The following RHOJ variants were observed in gnomAD, a reference collection of about 807,000 sequenced individuals.
The protein encoded by RHOJ is ras homolog family member J.
Under a neutral mutation model 23.4 loss-of-function variants are expected in RHOJ, and 11 were observed. The observed-to-expected ratio is 0.47, with a 90% CI of 0.30 to 0.78. The LOEUF (loss-of-function observed/expected upper bound fraction) is 0.78. RHOJ is among the 30% of genes least tolerant of loss of function. The pLI is 0.08. For synonymous variants in RHOJ, 102 were observed against 102.7 expected, an observed-to-expected ratio of 0.99 and a Z score of 0.04; for missense variants, 254 against 273.4, an observed-to-expected ratio of 0.93 and a Z score of 0.50.
chr14:63,288,716 T>A (rs1424731047), intron 4 of RHOJ, among the ~76,000 whole-genome samples: 1 of 152,248 alleles, frequency 6.6e-6, no homozygotes, highest in South Asian at 2.1e-4. Flanking sequence ...ATTTTCAACA[T>A]CCAACATCGT....
intron 2 of RHOJ, among the ~76,000 whole-genome samples, chr14:63,279,214 A>G (rs925822052): frequency 6.6e-6 from 1 of 152,240 alleles, no homozygotes; most frequent in Non-Finnish European, 1.5e-5. Context: ...AAATGAGTTA[A>G]TTATTTATTA....
chr14:63,204,670 C>T lies in RHOJ; in HGVS notation c.-200C>T. 1 of 604,196 alleles carries T rather than the reference C, an allele frequency of 1.7e-6. No individual in the cohort carries two copies. Among genetic ancestry groups the T allele is most frequent in the South Asian group, 2.0e-5 (1 of 50,440 alleles). 37.4% of individuals were successfully genotyped at this position (604,196 alleles called of 1,614,324 possible). On this transcript the variant is annotated 5_prime_UTR_variant, in exon 1 of 5. Transcript: ENST00000316754. Reference sequence around the variant, plus strand: ...GGGCAGACCCTTTTCATAACTCCCTCAAGTGTGTGTTACCTTTCTTTACCA... The same window carrying T: ...GGGCAGACCCTTTTCATAACTCCCTTAAGTGTGTGTTACCTTTCTTTACCA...
intron 1 of RHOJ, among the ~76,000 whole-genome samples, chr14:63,239,728 C>T (rs1197383043): frequency 6.6e-6 from 1 of 152,146 alleles, no homozygotes; most frequent in East Asian, 1.9e-4. Flanking sequence ...GCCTTGGCTG[C>T]CATTTTTGTG....
intron 1 of RHOJ, among the ~76,000 whole-genome samples, chr14:63,249,109 G>A (rs948928155): frequency 6.6e-6 from 1 of 152,200 alleles, no homozygotes; most frequent in Admixed American, 6.5e-5. Flanking sequence ...ACTGCATATG[G>A]CTGAGAAGCT....
intron 2 of RHOJ, among the ~76,000 whole-genome samples, chr14:63,279,111 G>C (rs2139662863): frequency 6.6e-6 from 1 of 152,318 alleles, no homozygotes; most frequent in African/African-American, 2.4e-5. Context: ...CTTCAACTCT[G>C]TGTACTTCTT....
chr14:63,233,920 G>A (rs2139749916), intron 1 of RHOJ, among the ~76,000 whole-genome samples: 1 of 152,282 alleles, frequency 6.6e-6, no homozygotes, highest in East Asian at 1.9e-4. Flanking sequence ...CTCTAGACAG[G>A]CTTAAAATGC....
At chr14:63,263,575 CCT>C (rs879507325) in intron 1 of RHOJ, among the ~76,000 whole-genome samples, 13 of 152,158 alleles carry the variant, frequency 8.5e-5, no homozygotes, top group Non-Finnish European at 1.5e-4. Context: ...AGCTCTGCCC[CCT>C]CTTTTTAGGA....
At chr14:63,261,333 C>T (rs1288322931) in intron 1 of RHOJ, among the ~76,000 whole-genome samples, 2 of 151,992 alleles carry the variant, frequency 1.3e-5, no homozygotes, top group Admixed American at 6.6e-5. Flanking sequence ...GGTGTATTTA[C>T]CTTTCTTTTT....
At chr14:63,264,607 C>T (rs1405088714) in intron 1 of RHOJ, among the ~76,000 whole-genome samples, 1 of 152,198 alleles carries the variant, frequency 6.6e-6, no homozygotes, top group East Asian at 1.9e-4. Flanking sequence ...AAACTGCTTT[C>T]CATGATGGCT....
At chr14:63,287,780 T>G (rs1045636961) in intron 4 of RHOJ, among the ~76,000 whole-genome samples, 1 of 152,178 alleles carries the variant, frequency 6.6e-6, no homozygotes, top group Non-Finnish European at 1.5e-5. Context: ...CATTCCAGTT[T>G]GCTTGCATGT....
chr14:63,217,886 G>A (rs1187075608), intron 1 of RHOJ, among the ~76,000 whole-genome samples: 1 of 152,120 alleles, frequency 6.6e-6, no homozygotes, highest in Non-Finnish European at 1.5e-5. Flanking sequence ...CTTTTTGGTG[G>A]GAATAGATAT....
intron 1 of RHOJ, among the ~76,000 whole-genome samples, chr14:63,238,413 TTTATTA>T (rs539718990): frequency 1.3e-5 from 2 of 151,812 alleles, no homozygotes; most frequent in Non-Finnish European, 2.9e-5. Flanking sequence ...ATGCATTTTA[TTTATTA>T]TTATTATTAT....
chr14:63,276,755 T>C (rs542589189), intron 2 of RHOJ, among the ~76,000 whole-genome samples: 245 of 152,312 alleles, frequency 1.6e-3, no homozygotes, highest in African/African-American at 5.7e-3. Flanking sequence ...CAACCCATGG[T>C]CTTCCAACTT....
intron 1 of RHOJ, among the ~76,000 whole-genome samples, chr14:63,258,948 GT>G (rs1017362214): frequency 6.6e-6 from 1 of 152,150 alleles, no homozygotes; most frequent in Non-Finnish European, 1.5e-5. Context: ...TAAATGCTTT[GT>G]TTTGTTTTGA....
In RHOJ at chr14:63,204,532, G is replaced by T; in HGVS notation, c.-338G>T. ...TTCCACCGTATCTTTTGCCAGGCTA[G>T]AGACAGGGAGAGCAGAGTAAAACCC... On this transcript the variant is annotated 5_prime_UTR_variant, in exon 1 of 5. Coordinates refer to ENST00000316754, the MANE Select transcript of RHOJ (RefSeq NM_020663.5). 1 of 266,350 alleles carries T rather than the reference G, an allele frequency of 3.8e-6. No individual in the cohort carries two copies. The highest frequency in any genetic ancestry group is 7.4e-5 in the South Asian group (1 of 13,450). 16.5% of individuals were successfully genotyped at this position (266,350 alleles called of 1,614,324 possible).
At chr14:63,276,213 G>A (rs572994922) in intron 2 of RHOJ, among the ~76,000 whole-genome samples, 1 of 152,088 alleles carries the variant, frequency 6.6e-6, no homozygotes, top group Non-Finnish European at 1.5e-5. Context: ...GCTTCGGTGG[G>A]GGGGGGCGGG....
chr14:63,255,644 G>T (rs1476501669), intron 1 of RHOJ, among the ~76,000 whole-genome samples: 4 of 136,110 alleles, frequency 2.9e-5, no homozygotes, highest in Non-Finnish European at 4.6e-5. Flanking sequence ...GGAGAAAACA[G>T]CTCCAGCCCT....
At chr14:63,244,655 C>A (rs750270038) in intron 1 of RHOJ, among the ~76,000 whole-genome samples, 1 of 152,164 alleles carries the variant, frequency 6.6e-6, no homozygotes, top group Non-Finnish European at 1.5e-5. Context: ...TTTTTAAACA[C>A]CCATCAAATC....
intron 1 of RHOJ, among the ~76,000 whole-genome samples, chr14:63,254,433 C>T (rs187272550): frequency 1.3e-5 from 2 of 152,232 alleles, no homozygotes; most frequent in Admixed American, 1.3e-4. Context: ...AATGTATGTG[C>T]TCCTGGGGGA....
Sources: gnomAD v4.1 joint callset for allele counts (sites outside exome capture counted in the v4.1 genomes callset) on GRCh38, gnomAD v4.1.1 for gene constraint, MANE v1.5 for transcripts, NCBI Gene and HGNC (gene_info 2026-07-23, HGNC 2026-07-21) for gene names.